Variants in CSMD3 observed in about 807,000 individuals in gnomAD.
CSMD3 encodes CUB and Sushi multiple domains 3.
In CSMD3, 177 loss-of-function variants were observed where a neutral mutation model predicts 435.2. The observed-to-expected ratio is 0.41, with a 90% CI of 0.36 to 0.46. CSMD3 has a LOEUF of 0.46. Among genes scored for constraint, CSMD3 ranks in the 20% least tolerant of loss-of-function variants. The probability of loss-of-function intolerance (pLI) is 0.34; values close to 1 mark genes in which losing one functional copy is unlikely to be tolerated. For missense variants in CSMD3, 4,265 were observed against 4,504.6 expected (o/e 0.95, Z 1.52); for synonymous variants, 1,656 against 1,520.5 (o/e 1.09, Z -2.07).
At chr8:112,908,174 G>A (rs780621465) in intron 10 of CSMD3, among the ~76,000 whole-genome samples, 19 of 151,276 alleles carry the variant, frequency 1.3e-4, no homozygotes, top group Non-Finnish European at 1.8e-4. Context: ...CTAGCTTAAC[G>A]TATTTCATAT....
chr8:112,808,559 G>T (rs1229583515), intron 12 of CSMD3, among the ~76,000 whole-genome samples: 3 of 152,004 alleles, frequency 2.0e-5, no homozygotes, highest in African/African-American at 7.3e-5. Flanking sequence ...CCAGGAATTT[G>T]CCCAGTCGAT....
chr8:113,174,456 T>C (rs2092317425), intron 3 of CSMD3, among the ~76,000 whole-genome samples: 1 of 152,116 alleles, frequency 6.6e-6, no homozygotes. Context: ...TATTTGTTAT[T>C]AACCTTGAGT....
chr8:112,777,130 AAAT>A (rs550625101), intron 13 of CSMD3, among the ~76,000 whole-genome samples: 81 of 151,948 alleles, frequency 5.3e-4, no homozygotes, highest in South Asian at 3.5e-3. Flanking sequence ...AGACAAGCAA[AAAT>A]AATAAGCACA....
At position 112,234,457 on chromosome 8, in the gene CSMD3, C is replaced by T. The variant is rs532027995; in HGVS notation, c.10648G>A (p.Ala3550Thr). 11 of 1,611,718 alleles carry T rather than the reference C, an allele frequency of 6.8e-6. No individual in the cohort carries two copies. The African/African-American group carries it at 8.0e-5, about 12-fold the overall frequency. ...LLSGVYKSQE[A>T]RLMLRIYLIK... Reference sequence around the variant, plus strand: ...AGATATATGCGTAACATTAGGCGAGCTTCCTGGCTTTTATATACCCCTGTA... The same window carrying T: ...AGATATATGCGTAACATTAGGCGAGTTTCCTGGCTTTTATATACCCCTGTA... Residue 3550 changes from alanine to threonine, a missense_variant, in exon 68 of 71, where the codon GCT (alanine) becomes ACT (threonine). Physicochemically the swap from Ala to Thr is moderately conservative, Grantham distance 58 (BLOSUM62 0). This residue lies in a region of CSMD3 where 3,255 missense variants were observed against 3,380.2 expected (regional missense o/e 0.96). Transcript: ENST00000297405.
At position 113,278,708 on chromosome 8, in the gene CSMD3, A is replaced by T. The variant is rs916751529; in HGVS notation, c.402-4T>A. The T allele has an allele frequency of 2.3e-6, 3 of 1,328,678 alleles. No homozygotes were observed. The highest frequency in any genetic ancestry group is 2.2e-6 in the Non-Finnish European group (2 of 920,242). 82.3% of individuals were successfully genotyped at this position (1,328,678 alleles called of 1,614,324 possible). ...TGGCAGATGGAATCCTGTTAACCTAAAACAAAATGGAATTAATTGTTAGAG... is the reference window on the plus strand; with the variant it reads ...TGGCAGATGGAATCCTGTTAACCTATAACAAAATGGAATTAATTGTTAGAG... On this transcript the variant is annotated splice_region_variant and splice_polypyrimidine_tract_variant and intron_variant, in intron 2 of 70. Coordinates refer to ENST00000297405, the MANE Select transcript of CSMD3 (RefSeq NM_198123.2).
At position 112,377,391 on chromosome 8, in the gene CSMD3, G is replaced by A. The variant is rs573249880; in HGVS notation, c.6136+2961C>T. Among the ~76,000 whole-genome samples the A allele has an allele frequency of 5.3e-5, 8 of 152,192 alleles. No homozygotes were observed. In the South Asian group the frequency reaches 1.7e-3, roughly 32 times the overall value. On this transcript the variant is annotated intron_variant, in intron 38 of 70. Coordinates refer to ENST00000297405, the MANE Select transcript of CSMD3 (RefSeq NM_198123.2). ...CCCAACAAAGAAAGGCACAGCACCA[G>A]ATGGCTACACTGGTGAATTCTACCT...
chr8:112,669,040 T>C (rs1179221540), intron 16 of CSMD3, among the ~76,000 whole-genome samples: 1 of 148,658 alleles, frequency 6.7e-6, no homozygotes, highest in East Asian at 2.0e-4. Flanking sequence ...GTATTTATTC[T>C]TTTTTTTTTG....
intron 32 of CSMD3, among the ~76,000 whole-genome samples, chr8:112,447,750 T>C (rs770349949): frequency 2.0e-5 from 3 of 152,234 alleles, no homozygotes; most frequent in Admixed American, 1.3e-4. Context: ...TTGAAATGTA[T>C]TGAATTTATT....
chr8:112,292,304 A>G (rs1563747181), intron 55 of CSMD3, among the ~76,000 whole-genome samples: 1 of 152,184 alleles, frequency 6.6e-6, no homozygotes, highest in Non-Finnish European at 1.5e-5. Flanking sequence ...TTTTAAAAAT[A>G]TAAGTTACAA....
chr8:112,355,242 G>A (rs1563832729), intron 38 of CSMD3, among the ~76,000 whole-genome samples: 2 of 152,096 alleles, frequency 1.3e-5, no homozygotes, highest in Non-Finnish European at 2.9e-5. Flanking sequence ...CAAATTTCAG[G>A]AATTCTAGAA....
intron 10 of CSMD3, among the ~76,000 whole-genome samples, chr8:112,918,749 C>T (rs1365340995): frequency 6.6e-6 from 1 of 152,032 alleles, no homozygotes. Flanking sequence ...ATAAACTGCT[C>T]TTTTAATTCA....
At chr8:112,416,083 G>T (rs773470384) in intron 32 of CSMD3, among the ~76,000 whole-genome samples, 2 of 152,056 alleles carry the variant, frequency 1.3e-5, no homozygotes, top group African/African-American at 2.4e-5. Context: ...AAATGTGAGG[G>T]CATGAGATTG....
At chr8:112,360,925 G>C (rs1476710036) in intron 38 of CSMD3, among the ~76,000 whole-genome samples, 6 of 151,908 alleles carry the variant, frequency 3.9e-5, no homozygotes, top group Non-Finnish European at 8.8e-5. Flanking sequence ...ATACATGAAA[G>C]TCCTACAGTT....
chr8:112,884,375 T>A (rs2081531012), intron 10 of CSMD3, among the ~76,000 whole-genome samples: 1 of 151,946 alleles, frequency 6.6e-6, no homozygotes, highest in South Asian at 2.1e-4. Flanking sequence ...AAATACTAGA[T>A]AGCCTTGTTT....
intron 1 of CSMD3, among the ~76,000 whole-genome samples, chr8:113,393,555 A>T (rs2094470499): frequency 6.6e-6 from 1 of 152,106 alleles, no homozygotes; most frequent in African/African-American, 2.4e-5. Context: ...TCTCAAAGTT[A>T]CAATGGACAA....
chr8:112,453,904 C>T (rs981051740), intron 32 of CSMD3, among the ~76,000 whole-genome samples: 2 of 152,082 alleles, frequency 1.3e-5, no homozygotes, highest in African/African-American at 4.8e-5. Flanking sequence ...GGTACTGGTA[C>T]AAAAACAGAC....
chr8:112,747,848 A>G (rs1484417098), intron 13 of CSMD3, among the ~76,000 whole-genome samples: 2 of 151,770 alleles, frequency 1.3e-5, no homozygotes, highest in Non-Finnish European at 2.9e-5. Context: ...CTATAGTCCC[A>G]GCTACTCGGG....
chr8:113,409,642 A>C (rs1028725617), intron 1 of CSMD3, among the ~76,000 whole-genome samples: 2 of 152,070 alleles, frequency 1.3e-5, no homozygotes, highest in Non-Finnish European at 2.9e-5. Context: ...CTTAATTCTC[A>C]ATGGGAATTA....
chr8:112,636,354 T>G (rs971130807), intron 22 of CSMD3, among the ~76,000 whole-genome samples: 4 of 152,094 alleles, frequency 2.6e-5, no homozygotes, highest in African/African-American at 9.7e-5. Flanking sequence ...TCTCTTGTAA[T>G]CATCTTTTAT....
Sources: allele counts gnomAD v4.1 joint callset (sites outside exome capture counted in the v4.1 genomes callset), GRCh38; gene constraint gnomAD v4.1.1; regional missense constraint gnomAD v4.1.1; transcripts MANE v1.5; gene names NCBI Gene and HGNC (gene_info 2026-07-23, HGNC 2026-07-21).